CYRIB: variants seen among roughly 807,000 people sequenced by gnomAD.
CYRIB encodes the protein CYFIP-related Rac1 interactor B.
A neutral mutation model predicts 44.2 loss-of-function variants in CYRIB; 8 were observed. The observed-to-expected ratio is 0.18, with a 90% CI of 0.11 to 0.33. The LOEUF is 0.33. Among genes scored for constraint, CYRIB ranks in the 10% least tolerant of loss-of-function variants. The pLI is 1.00. For synonymous variants in CYRIB, 131 were observed against 127.2 expected (o/e 1.03, Z -0.20); for missense variants, 185 against 382.8 (o/e 0.48, Z 4.31).
intron 1 of CYRIB, among the ~76,000 whole-genome samples, chr8:129,924,109 C>CA (rs3076956): frequency 5.2e-5 from 6 of 115,920 alleles, no homozygotes; most frequent in African/African-American, 1.4e-4. Flanking sequence ...ATCTCCACCC[C>CA]AAAAAAAAAA....
intron 3 of CYRIB, among the ~76,000 whole-genome samples, chr8:129,875,155 T>C (rs1383758623): frequency 2.0e-5 from 3 of 152,192 alleles, no homozygotes; most frequent in African/African-American, 4.8e-5. Context: ...CTAGCAGTTA[T>C]GGAAGTTACT....
chr8:129,983,924 ACCGG>A (rs1341826385), intron 1 of CYRIB, among the ~76,000 whole-genome samples: 1 of 152,232 alleles, frequency 6.6e-6, no homozygotes, highest in Non-Finnish European at 1.5e-5. Context: ...ATTGGCAGGA[ACCGG>A]CAGCAGGTCC....
chr8:129,908,975 A>G (rs745522474), intron 1 of CYRIB, among the ~76,000 whole-genome samples: 39 of 152,172 alleles, frequency 2.6e-4, no homozygotes, highest in Non-Finnish European at 5.3e-4. Context: ...TAAATAAAAT[A>G]GAGATGGAGT....
upstream of CYRIB, chr8:130,016,927 C>T (rs1039875998): frequency 6.6e-6 from 1 of 152,238 alleles, no homozygotes; most frequent in Admixed American, 6.5e-5. Context: ...CCCCCAAGGT[C>T]ACTGCCTGTC....
intron 1 of CYRIB, among the ~76,000 whole-genome samples, chr8:130,015,982 G>A (rs1301578658): frequency 6.6e-6 from 1 of 151,896 alleles, no homozygotes; most frequent in Non-Finnish European, 1.5e-5. Context: ...ACCGACACCC[G>A]GCTCGCAGGA....
intron 1 of CYRIB, among the ~76,000 whole-genome samples, chr8:129,939,417 C>G (rs1215659112): frequency 6.6e-6 from 1 of 151,486 alleles, no homozygotes; most frequent in Non-Finnish European, 1.5e-5. Flanking sequence ...CAGGCCGGGG[C>G]CGCGGGGCCA....
At chr8:129,943,377 A>T (rs1441015863), upstream of CYRIB, among the ~76,000 whole-genome samples, 2 of 151,722 alleles carry the variant, frequency 1.3e-5, no homozygotes, top group African/African-American at 2.4e-5. Flanking sequence ...ACTTAGGGTC[A>T]GGAGTTCGAG....
At chr8:129,961,664 C>G (rs2095264270) in intron 2 of CYRIB, among the ~76,000 whole-genome samples, 1 of 152,126 alleles carries the variant, frequency 6.6e-6, no homozygotes, top group Admixed American at 6.5e-5. Flanking sequence ...CCCAGGTAGG[C>G]AATCAATGGA....
chr8:129,963,243 G>A lies in CYRIB; in HGVS notation c.-243+7700C>T, dbSNP rs142127186. ...AAGCCTTGGATCCTCCAGGCCTTAT[G>A]TTTCACTCCTAGATTCTTCAATTAC... On this transcript the variant is annotated intron_variant, in intron 2 of 14. Transcript: ENST00000401979. Among the ~76,000 whole-genome samples the A allele has an allele frequency of 2.0e-3, 311 of 152,336 alleles. 2 individuals are homozygous for A. Among genetic ancestry groups the A allele is most frequent in the Non-Finnish European group, 3.8e-3 (258 of 68,024 alleles).
At chr8:129,962,134 C>G (rs1188344608) in intron 2 of CYRIB, among the ~76,000 whole-genome samples, 1 of 151,904 alleles carries the variant, frequency 6.6e-6, no homozygotes, top group Non-Finnish European at 1.5e-5. Context: ...GTGGTCCCAG[C>G]TACTCGGGGA....
chr8:129,927,619 G>C (rs749538073), intron 1 of CYRIB, among the ~76,000 whole-genome samples: 1 of 152,206 alleles, frequency 6.6e-6, no homozygotes, highest in Non-Finnish European at 1.5e-5. Context: ...TATGCATAAA[G>C]ATGGCTGGAA....
At chr8:129,995,408 C>T (rs1367645185) in intron 1 of CYRIB, among the ~76,000 whole-genome samples, 1 of 152,212 alleles carries the variant, frequency 6.6e-6, no homozygotes, top group East Asian at 1.9e-4. Context: ...AGCAAAAGGT[C>T]ATTTCCAGAA....
chr8:129,988,075 T>C (rs902001996), intron 1 of CYRIB, among the ~76,000 whole-genome samples: 1 of 152,164 alleles, frequency 6.6e-6, no homozygotes, highest in Non-Finnish European at 1.5e-5. Flanking sequence ...AATGAGCGCC[T>C]GGATGCAGGC....
At chr8:129,981,675 G>A (rs1026742403) in intron 1 of CYRIB, among the ~76,000 whole-genome samples, 1 of 152,182 alleles carries the variant, frequency 6.6e-6, no homozygotes, top group Non-Finnish European at 1.5e-5. Flanking sequence ...TGATTTTATA[G>A]GTGAGGGAAT....
chr8:129,888,480 C>T (rs2063678917), intron 2 of CYRIB, among the ~76,000 whole-genome samples: 1 of 152,178 alleles, frequency 6.6e-6, no homozygotes, highest in African/African-American at 2.4e-5. Flanking sequence ...TCTTTCTTTA[C>T]TCTCCACTGC....
chr8:129,857,424 G>A (rs560521815), intron 5 of CYRIB, among the ~76,000 whole-genome samples: 5 of 152,302 alleles, frequency 3.3e-5, no homozygotes, highest in Non-Finnish European at 5.9e-5. Context: ...GAACTGAGAA[G>A]AGCATGACAT....
intron 1 of CYRIB, among the ~76,000 whole-genome samples, chr8:129,929,484 C>T (rs2090002414): frequency 6.6e-6 from 1 of 151,952 alleles, no homozygotes; most frequent in African/African-American, 2.4e-5. Context: ...GTGAATTGTG[C>T]ATTTGAAATA....
chr8:129,983,830 G>A (rs2096347483), intron 1 of CYRIB, among the ~76,000 whole-genome samples: 1 of 152,250 alleles, frequency 6.6e-6, no homozygotes, highest in Admixed American at 6.5e-5. Context: ...CGCTGGGTGC[G>A]GAACCGGGTG....
chr8:129,999,346 C>T (rs190945595), intron 1 of CYRIB, among the ~76,000 whole-genome samples: 33 of 152,316 alleles, frequency 2.2e-4, no homozygotes, highest in African/African-American at 7.2e-4. Context: ...GATCCCTGTC[C>T]ACAGGGAAGG....
Sources: allele counts gnomAD v4.1 joint callset (sites outside exome capture counted in the v4.1 genomes callset), GRCh38; gene constraint gnomAD v4.1.1; transcripts MANE v1.5; gene names NCBI Gene and HGNC (gene_info 2026-07-23, HGNC 2026-07-21).